MACROD2: variants seen among roughly 807,000 people sequenced by gnomAD.
MACROD2 encodes the protein ADP-ribose glycohydrolase MACROD2.
MACROD2 carries 36 observed loss-of-function variants against 70.4 expected under a neutral mutation model. The observed-to-expected ratio is 0.51, with a 90% confidence interval of 0.39 to 0.68. The LOEUF (loss-of-function observed/expected upper bound fraction) is 0.68. Among genes scored for constraint, MACROD2 ranks in the 30% least tolerant of loss-of-function variants. MACROD2 has a pLI of 0.00. For synonymous variants in MACROD2, 172 were observed against 178.8 expected (o/e 0.96, Z 0.30); for missense variants, 496 against 538.4 (o/e 0.92, Z 0.78).
rs555452911 is a variant in MACROD2 at position 15,522,096 on chromosome 20, T to C, written c.645+22249T>C. On this transcript the variant is annotated intron_variant, in intron 8 of 17. Transcript: ENST00000684519. ...TTCACAAGGCTGGTGATAATATTCA[T>C]ATGCAGGGTCAGGACTAGGGTGAGG... 3.3e-5 allele frequency among the ~76,000 whole-genome samples: 5 copies of C among 152,308 alleles called. No individual in the cohort carries two copies. The East Asian group carries it at 9.6e-4, about 29-fold the overall frequency.
At chr20:14,607,825 G>A (rs1421199485) in intron 4 of MACROD2, among the ~76,000 whole-genome samples, 2 of 151,998 alleles carry the variant, frequency 1.3e-5, no homozygotes, top group African/African-American at 4.8e-5. Flanking sequence ...ATCCCAAGAA[G>A]GGCAAATGTC....
chr20:14,906,409 G>A (rs1267524748), intron 5 of MACROD2, among the ~76,000 whole-genome samples: 2 of 152,152 alleles, frequency 1.3e-5, no homozygotes, highest in South Asian at 2.1e-4. Flanking sequence ...CAGGAGAATC[G>A]CTTGAACCCG....
chr20:15,542,415 C>A (rs1489575288), intron 8 of MACROD2, among the ~76,000 whole-genome samples: 1 of 152,164 alleles, frequency 6.6e-6, no homozygotes, highest in African/African-American at 2.4e-5. Flanking sequence ...TTCCTGTGTA[C>A]TTCATGAATC....
chr20:15,195,285 G>A lies in MACROD2; in HGVS notation c.419-34655G>A, dbSNP rs565551956. Among the ~76,000 whole-genome samples the A allele has an allele frequency of 1.6e-4, 24 of 152,290 alleles. No homozygotes were observed. The East Asian group carries it at 4.6e-3, about 29-fold the overall frequency. Reference sequence around the variant, plus strand: ...TGCACAGCAAAAGAAACTATGATCAGAGTGAACAGACAACCTGCAGAATGG... The same window carrying A: ...TGCACAGCAAAAGAAACTATGATCAAAGTGAACAGACAACCTGCAGAATGG... On this transcript the variant is annotated intron_variant, in intron 5 of 17. Coordinates refer to ENST00000684519, the MANE Select transcript of MACROD2 (RefSeq NM_001351661.2).
chr20:14,676,483 A>G (rs970024286), intron 4 of MACROD2, among the ~76,000 whole-genome samples: 4 of 152,234 alleles, frequency 2.6e-5, no homozygotes, highest in African/African-American at 9.6e-5. Flanking sequence ...AAATAACGAA[A>G]TTAAGGCAGA....
At chr20:15,200,105 C>T (rs1201090941) in intron 5 of MACROD2, among the ~76,000 whole-genome samples, 2 of 152,160 alleles carry the variant, frequency 1.3e-5, no homozygotes, top group Non-Finnish European at 2.9e-5. Context: ...TTTATCTTAA[C>T]CTCTGAAATG....
chr20:14,175,605 G>A (rs1229610378), intron 3 of MACROD2, among the ~76,000 whole-genome samples: 1 of 152,202 alleles, frequency 6.6e-6, no homozygotes, highest in Non-Finnish European at 1.5e-5. Context: ...CTCTTCACCA[G>A]TGTCAAAGAC....
At chr20:15,624,208 G>A (rs1158960559) in intron 8 of MACROD2, among the ~76,000 whole-genome samples, 5 of 152,214 alleles carry the variant, frequency 3.3e-5, no homozygotes, top group South Asian at 2.1e-4. Flanking sequence ...AGAAAGGTGA[G>A]TGCCAGAAGA....
At chr20:15,530,235 G>A (rs1270102907) in intron 8 of MACROD2, among the ~76,000 whole-genome samples, 2 of 152,086 alleles carry the variant, frequency 1.3e-5, no homozygotes, top group African/African-American at 2.4e-5. Context: ...GGACAGTTGA[G>A]GTTCATTTGA....
At chr20:15,451,014 A>T (rs970441217) in intron 7 of MACROD2, among the ~76,000 whole-genome samples, 2 of 152,160 alleles carry the variant, frequency 1.3e-5, no homozygotes, top group African/African-American at 4.8e-5. Context: ...TTATGAATCT[A>T]TTCCTTTGGG....
At chr20:14,848,932 C>T (rs931999418) in intron 5 of MACROD2, among the ~76,000 whole-genome samples, 3 of 152,204 alleles carry the variant, frequency 2.0e-5, no homozygotes, top group Admixed American at 6.5e-5. Flanking sequence ...CCACATCCTC[C>T]GGCAGACATC....
At chr20:15,362,156 C>T (rs1427980027) in intron 6 of MACROD2, among the ~76,000 whole-genome samples, 4 of 151,956 alleles carry the variant, frequency 2.6e-5, no homozygotes, top group East Asian at 1.9e-4. Flanking sequence ...GGATTACAGG[C>T]GCACACCACC....
chr20:14,596,727 T>A (rs1982167846), intron 4 of MACROD2, among the ~76,000 whole-genome samples: 2 of 152,208 alleles, frequency 1.3e-5, no homozygotes, highest in African/African-American at 2.4e-5. Context: ...ATATTACACC[T>A]GCTAGCTTGT....
At chr20:14,975,400 G>A (rs2074729761) in intron 5 of MACROD2, among the ~76,000 whole-genome samples, 1 of 152,106 alleles carries the variant, frequency 6.6e-6, no homozygotes, top group African/African-American at 2.4e-5. Context: ...GAGTAGATCA[G>A]ACGGCAGCAG....
chr20:14,608,611 G>A (rs952302322), intron 4 of MACROD2, among the ~76,000 whole-genome samples: 1 of 152,114 alleles, frequency 6.6e-6, no homozygotes, highest in Non-Finnish European at 1.5e-5. Context: ...ACTGTACTGG[G>A]TGCTGCAATA....
chr20:15,209,800 C>T (rs1049693013), intron 5 of MACROD2, among the ~76,000 whole-genome samples: 4 of 152,168 alleles, frequency 2.6e-5, no homozygotes, highest in Admixed American at 1.3e-4. Flanking sequence ...AAGGCCAAGA[C>T]ATACAGACTC....
At chr20:14,359,448 C>A (rs760300567) in intron 3 of MACROD2, among the ~76,000 whole-genome samples, 1 of 152,114 alleles carries the variant, frequency 6.6e-6, no homozygotes. Flanking sequence ...CCATATGATT[C>A]ATCAATCCCA....
chr20:15,581,758 G>T (rs935067962), intron 8 of MACROD2, among the ~76,000 whole-genome samples: 1 of 152,172 alleles, frequency 6.6e-6, no homozygotes. Context: ...AGGGTGTGCT[G>T]GCTGTTGCCA....
chr20:14,201,521 T>C (rs757776879), intron 3 of MACROD2, among the ~76,000 whole-genome samples: 2 of 152,164 alleles, frequency 1.3e-5, no homozygotes, highest in Admixed American at 6.5e-5. Flanking sequence ...GATAGTTTAT[T>C]ATCTCTGGAC....
Sources: allele counts gnomAD v4.1 joint callset (sites outside exome capture counted in the v4.1 genomes callset), GRCh38; gene constraint gnomAD v4.1.1; transcripts MANE v1.5; gene names NCBI Gene and HGNC (gene_info 2026-07-23, HGNC 2026-07-21).